The following TEX11 variants were observed in gnomAD, a reference collection of about 807,000 sequenced individuals.
The protein encoded by TEX11 is testis-expressed protein 11.
A neutral mutation model predicts 84.4 loss-of-function variants in TEX11; 7 were observed. The observed-to-expected ratio is 0.08, with a 90% confidence interval of 0.05 to 0.16. TEX11 has a LOEUF of 0.16. Ranked by LOEUF, TEX11 falls within the 10% of genes least tolerant of loss-of-function variation. TEX11 has a pLI of 1.00. For missense variants in TEX11, 551 were observed against 660.5 expected, an observed-to-expected ratio of 0.83 and a Z score of 1.82; for synonymous variants, 264 against 222.8, an observed-to-expected ratio of 1.18 and a Z score of -1.64.
chrX:70,591,606 AAAAC>A (rs1314511359), intron 25 of TEX11, 141 bp downstream of exon 25: 1 of 445,254 alleles, frequency 2.2e-6, no homozygotes. Context: ...CTGACTCGAA[AAAAC>A]AAACAAAACA....
chrX:70,684,193 C>T (rs1252201816), intron 13 of TEX11, among the ~76,000 whole-genome samples: 4 of 112,269 alleles, frequency 3.6e-5, no homozygotes, highest in Non-Finnish European at 3.8e-5. Flanking sequence ...TTGCAGGTTA[C>T]AAAATCAACA....
At chrX:70,543,230 AAAAT>A (rs2088072268) in intron 28 of TEX11, among the ~76,000 whole-genome samples, 1 of 112,091 alleles carries the variant, frequency 8.9e-6, no homozygotes, top group African/African-American at 3.2e-5. Context: ...AAAAAATTAA[AAAAT>A]AAATTAATCA....
At chrX:70,597,500 C>T (rs1391167420) in intron 24 of TEX11, among the ~76,000 whole-genome samples, 1 of 111,746 alleles carries the variant, frequency 8.9e-6, no homozygotes, top group East Asian at 2.8e-4. Flanking sequence ...TCAACAATGG[C>T]ACGAAGATAA....
At chrX:70,603,897 T>TAAA (rs2089163870) in intron 24 of TEX11, among the ~76,000 whole-genome samples, 2 of 11,265 alleles carry the variant, frequency 1.8e-4, no homozygotes, top group African/African-American at 4.7e-4. Context: ...GCGAAGGACA[T>TAAA]GAACAAGTAT....
At chrX:70,577,369 T>C (rs1290556728) in intron 25 of TEX11, among the ~76,000 whole-genome samples, 1 of 111,438 alleles carries the variant, frequency 9.0e-6, no homozygotes, top group Non-Finnish European at 1.9e-5. Flanking sequence ...TTCAGTAATA[T>C]TAATTAAGTA....
At chrX:70,656,995 A>C (rs2089873398) in intron 16 of TEX11, among the ~76,000 whole-genome samples, 1 of 111,885 alleles carries the variant, frequency 8.9e-6, no homozygotes, top group Non-Finnish European at 1.9e-5. Context: ...ACAAAGATGA[A>C]AGAAAAAGTA....
intron 22 of TEX11, 140 bp downstream of exon 22, chrX:70,608,951 C>T: frequency 4.4e-6 from 2 of 455,829 alleles, no homozygotes; most frequent in Non-Finnish European, 7.3e-6. Flanking sequence ...ATAACTATTT[C>T]CATTTTATAA....
chrX:70,551,533 C>T (rs1351652500), intron 28 of TEX11, among the ~76,000 whole-genome samples: 1 of 110,694 alleles, frequency 9.0e-6, no homozygotes, highest in African/African-American at 3.3e-5. Context: ...GCTATGTACC[C>T]ACAAAAATTA....
At chrX:70,904,738 A>G (rs1365908053) in intron 2 of TEX11, among the ~76,000 whole-genome samples, 1 of 111,918 alleles carries the variant, frequency 8.9e-6, no homozygotes, top group Admixed American at 9.6e-5. Flanking sequence ...CTGATCCAAA[A>G]TGAGATGTGC....
chrX:70,838,971 TTAGG>T (rs2147838489), intron 7 of TEX11, among the ~76,000 whole-genome samples: 1 of 112,116 alleles, frequency 8.9e-6, no homozygotes, highest in African/African-American at 3.2e-5. Context: ...AGTTGTTTGA[TTAGG>T]TAAACAAAGC....
intron 20 of TEX11, 29 bp from the exon 21 acceptor site, chrX:70,610,572 A>G (rs376975288): frequency 1.3e-5 from 15 of 1,177,812 alleles, no homozygotes; most frequent in East Asian, 5.9e-5. Context: ...ATATTTTCCA[A>G]CTGCTCCAAA....
At chrX:70,885,058 A>G (rs1350287430) in intron 2 of TEX11, among the ~76,000 whole-genome samples, 1 of 110,986 alleles carries the variant, frequency 9.0e-6, no homozygotes, top group Non-Finnish European at 1.9e-5. Flanking sequence ...GGTACATGCC[A>G]TAGCTCTCCA....
chrX:70,682,383 G>T (rs2090154372), intron 14 of TEX11, among the ~76,000 whole-genome samples: 1 of 111,476 alleles, frequency 9.0e-6, no homozygotes, highest in South Asian at 3.9e-4. Context: ...TCAAACTAGA[G>T]ATATTAAATT....
intron 16 of TEX11, among the ~76,000 whole-genome samples, chrX:70,666,594 C>G: frequency 9.0e-6 from 1 of 111,646 alleles, no homozygotes; most frequent in Non-Finnish European, 1.9e-5. Context: ...ATGCCAGCAC[C>G]ATGGCCCTTG....
chrX:70,610,863 T>C (rs1303994307), intron 20 of TEX11, among the ~76,000 whole-genome samples: 3 of 112,150 alleles, frequency 2.7e-5, no homozygotes, highest in African/African-American at 9.7e-5. Flanking sequence ...TTATAAGCTT[T>C]TTTGAAGGGG....
chrX:70,694,666 T>C (rs763306723), intron 13 of TEX11, among the ~76,000 whole-genome samples: 2 of 112,044 alleles, frequency 1.8e-5, no homozygotes, highest in Non-Finnish European at 3.8e-5. Context: ...TTTAAATACA[T>C]AGCACTGTAT....
chrX:70,838,164 A>G (rs1029203956), intron 7 of TEX11, among the ~76,000 whole-genome samples: 5 of 112,059 alleles, frequency 4.5e-5, no homozygotes, highest in African/African-American at 1.6e-4. Context: ...CACACCTGCA[A>G]TCCCAGTGCT....
At chrX:70,586,021 C>T (rs754054592) in intron 25 of TEX11, among the ~76,000 whole-genome samples, 24 of 112,855 alleles carry the variant, frequency 2.1e-4, no homozygotes, top group African/African-American at 7.7e-4. Flanking sequence ...CATTGCACTC[C>T]AGCCTGGGCA....
intron 25 of TEX11, among the ~76,000 whole-genome samples, chrX:70,557,955 C>T (rs1022093459): frequency 9.0e-6 from 1 of 111,400 alleles, no homozygotes. Context: ...TCGAGACCAG[C>T]CTGGCTAACT....
Sources: allele counts gnomAD v4.1 joint callset (sites outside exome capture counted in the v4.1 genomes callset), GRCh38; gene constraint gnomAD v4.1.1; transcripts MANE v1.5; gene names NCBI Gene and HGNC (gene_info 2026-07-23, HGNC 2026-07-21).